The following TRAPPC9 variants were observed in gnomAD, a reference collection of about 807,000 sequenced individuals.
The protein encoded by TRAPPC9 is trafficking protein particle complex subunit 9, also known as IKK2 binding protein.
TRAPPC9 carries 83 observed loss-of-function variants against 124.0 expected under a neutral mutation model. The ratio of observed to expected loss-of-function variants is 0.67; its 90% CI spans 0.56 to 0.80. The LOEUF (loss-of-function observed/expected upper bound fraction) is 0.80, where lower values mean the gene tolerates loss of function less well. Ranked by LOEUF, TRAPPC9 falls within the 30% of genes least tolerant of loss-of-function variation. The pLI, the probability that TRAPPC9 is intolerant of heterozygous loss-of-function variation, is 0.00. For missense variants in TRAPPC9, 1,302 were observed against 1,508.3 expected, an observed-to-expected ratio of 0.86 and a Z score of 2.27; for synonymous variants, 638 against 617.5, an observed-to-expected ratio of 1.03 and a Z score of -0.49.
intron 5 of TRAPPC9, among the ~76,000 whole-genome samples, chr8:140,420,181 A>C (rs1440589980): frequency 6.6e-6 from 1 of 152,174 alleles, no homozygotes; most frequent in African/African-American, 2.4e-5. Context: ...GATGTTCTGA[A>C]AACTCAAAAC....
rs200386232 is a variant in TRAPPC9, at chr8:140,340,137, T to C, written c.1495+19913A>G. ...ACTGGGATTTACAGGCATGAGCCAC[T>C]GCACCCAGCCAAGATAAACATTTTT... is the stretch of plus-strand genomic sequence containing the variant. On this transcript the variant is annotated intron_variant, in intron 9 of 22. Transcript: ENST00000438773. Among the ~76,000 whole-genome samples the C allele has an allele frequency of 3.9e-5, 6 of 152,210 alleles. No homozygotes were observed. The East Asian group carries it at 9.6e-4, about 24-fold the overall frequency.
chr8:139,918,122 A>G (rs1440263323), intron 19 of TRAPPC9, among the ~76,000 whole-genome samples: 2 of 152,226 alleles, frequency 1.3e-5, no homozygotes, highest in Non-Finnish European at 2.9e-5. Context: ...TGTGATTCGC[A>G]GGCATCTTGT....
intron 21 of TRAPPC9, among the ~76,000 whole-genome samples, chr8:139,853,605 C>T (rs996218029): frequency 6.6e-6 from 1 of 152,224 alleles, no homozygotes; most frequent in Admixed American, 6.5e-5. Context: ...TCAGCCACCA[C>T]CTCCTGCAGG....
intron 17 of TRAPPC9, among the ~76,000 whole-genome samples, chr8:140,172,929 A>G (rs2130956404): frequency 6.6e-6 from 1 of 152,286 alleles, no homozygotes; most frequent in African/African-American, 2.4e-5. Flanking sequence ...TTGGCTGTCC[A>G]GTGTAGAATG....
intron 17 of TRAPPC9, among the ~76,000 whole-genome samples, chr8:140,184,282 C>G (rs2062300906): frequency 6.6e-6 from 1 of 151,818 alleles, no homozygotes. Context: ...TTATACTGTT[C>G]TTTGAAAAGC....
At chr8:139,924,341 C>T (rs532780649) in intron 19 of TRAPPC9, among the ~76,000 whole-genome samples, 290 of 152,326 alleles carry the variant, frequency 1.9e-3, no homozygotes, top group African/African-American at 6.6e-3. Context: ...TTCCCATGGA[C>T]GACAGGAGCC....
chr8:139,800,928 C>T (rs186293919), intron 21 of TRAPPC9, among the ~76,000 whole-genome samples: 2,110 of 150,108 alleles, frequency 0.014, 27 homozygotes, highest in Non-Finnish European at 0.022. Context: ...TACCTTCCCT[C>T]CCTCCGGCAC....
At chr8:139,874,238 C>T (rs1829178531) in intron 21 of TRAPPC9, among the ~76,000 whole-genome samples, 1 of 152,244 alleles carries the variant, frequency 6.6e-6, no homozygotes, top group Non-Finnish European at 1.5e-5. Flanking sequence ...CAACATGGAA[C>T]TATTTAAATC....
intron 17 of TRAPPC9, chr8:140,099,506 T>C (rs1039475568): frequency 2.7e-5 from 4 of 147,232 alleles, no homozygotes; most frequent in African/African-American, 1.0e-4. Context: ...TGCTTCAGTA[T>C]CCCGGGATCC....
chr8:139,983,003 A>T (rs1447308565), intron 19 of TRAPPC9, among the ~76,000 whole-genome samples: 1 of 152,144 alleles, frequency 6.6e-6, no homozygotes, highest in Non-Finnish European at 1.5e-5. Context: ...TGCCCCACAA[A>T]ATCTACATGC....
intron 17 of TRAPPC9, among the ~76,000 whole-genome samples, chr8:140,103,337 C>T (rs1463222426): frequency 6.6e-6 from 1 of 152,168 alleles, no homozygotes; most frequent in Middle Eastern, 3.2e-3. Flanking sequence ...GGACCCACCT[C>T]GGAGAATTGT....
At chr8:139,981,507 C>A (rs944098708) in intron 19 of TRAPPC9, among the ~76,000 whole-genome samples, 1 of 152,152 alleles carries the variant, frequency 6.6e-6, no homozygotes, top group African/African-American at 2.4e-5. Flanking sequence ...TATAAATAAG[C>A]CTCAATAACA....
At chr8:139,931,004 G>C (rs1833108812) in intron 19 of TRAPPC9, among the ~76,000 whole-genome samples, 1 of 152,136 alleles carries the variant, frequency 6.6e-6, no homozygotes, top group Non-Finnish European at 1.5e-5. Flanking sequence ...TCAGGTCATG[G>C]AGCCTGTTCC....
chr8:139,910,002 C>G (rs1831613541), intron 20 of TRAPPC9, 145 bp downstream of exon 20: 4 of 915,684 alleles, frequency 4.4e-6, no homozygotes, highest in Middle Eastern at 3.3e-4. Flanking sequence ...AAATGCCAAG[C>G]CTTTGGTCCA....
At chr8:140,103,925 A>G (rs28632797) in intron 17 of TRAPPC9, among the ~76,000 whole-genome samples, 99,293 of 152,168 alleles carry the variant, frequency 0.65, 33,588 homozygotes, top group East Asian at 0.87. Flanking sequence ...AGAGAGAGAC[A>G]GTGTATACCA....
Position 140,284,032 on chromosome 8 carries a change from A to T in TRAPPC9, c.1982-11T>A. On this transcript the variant is annotated splice_polypyrimidine_tract_variant and intron_variant, in intron 13 of 22. Transcript: ENST00000438773. ...CCGTGGTATGGTAACCTGGAATAGA[A>T]AAGGAACTTCTTCACTCCACTGGCA... The T allele has an allele frequency of 1.2e-6, 2 of 1,613,930 alleles. No homozygotes were observed. Among genetic ancestry groups the T allele is most frequent in the Non-Finnish European group, 1.7e-6 (2 of 1,179,870 alleles).
chr8:139,959,362 A>G (rs952882833), intron 19 of TRAPPC9, among the ~76,000 whole-genome samples: 2 of 152,228 alleles, frequency 1.3e-5, no homozygotes, highest in African/African-American at 4.8e-5. Context: ...TGGGAGCCAC[A>G]ACATCCATAA....
intron 20 of TRAPPC9, among the ~76,000 whole-genome samples, chr8:139,887,734 C>CTAGA (rs1460187567): frequency 4.6e-5 from 7 of 152,232 alleles, no homozygotes; most frequent in Admixed American, 4.6e-4. Flanking sequence ...ACAACCTGTG[C>CTAGA]TAGACACGGT....
chr8:139,987,545 CAGAGAGAG>C (rs34718647), intron 19 of TRAPPC9, among the ~76,000 whole-genome samples: 5 of 150,328 alleles, frequency 3.3e-5, no homozygotes, highest in Non-Finnish European at 7.4e-5. Context: ...ATGAAAGAGG[CAGAGAGAG>C]AGAGAGAGAG....
Sources: allele counts gnomAD v4.1 joint callset (sites outside exome capture counted in the v4.1 genomes callset), GRCh38; gene constraint gnomAD v4.1.1; transcripts MANE v1.5; gene names NCBI Gene and HGNC (gene_info 2026-07-23, HGNC 2026-07-21).